Variants in OCIAD1 observed in about 807,000 individuals in gnomAD.
OCIAD1 encodes the protein OCIA domain-containing protein 1.
A neutral mutation model predicts 38.9 loss-of-function variants in OCIAD1; 29 were observed. The observed-to-expected ratio is 0.74, with a 90% CI of 0.55 to 1.02. The LOEUF is 1.02. OCIAD1 is among the 50% of genes least tolerant of loss of function. The pLI is 0.00. For missense variants in OCIAD1, 288 were observed against 289.6 expected, an observed-to-expected ratio of 0.99 and a Z score of 0.04; for synonymous variants, 110 against 92.0, an observed-to-expected ratio of 1.20 and a Z score of -1.12.
intron 7 of OCIAD1, among the ~76,000 whole-genome samples, chr4:48,852,753 T>TA (rs1398620118): frequency 6.6e-6 from 1 of 152,150 alleles, no homozygotes; most frequent in Non-Finnish European, 1.5e-5. Context: ...CAAAAAACAT[T>TA]AGTTTCTTTC....
chr4:48,831,426 C>T (rs1777477321), intron 1 of OCIAD1, 177 bp downstream of exon 1: 2 of 1,172,852 alleles, frequency 1.7e-6, no homozygotes, highest in Admixed American at 2.3e-5. Flanking sequence ...CGGAGTGCTT[C>T]TGGGGGTGTG....
intron 1 of OCIAD1, among the ~76,000 whole-genome samples, chr4:48,806,966 C>A (rs530607239): frequency 6.6e-6 from 1 of 152,028 alleles, no homozygotes; most frequent in Non-Finnish European, 1.5e-5. Flanking sequence ...TGCAGTGGTG[C>A]GATCACAGCT....
At chr4:48,835,599 T>C (rs1266150635) in intron 3 of OCIAD1, among the ~76,000 whole-genome samples, 1 of 152,094 alleles carries the variant, frequency 6.6e-6, no homozygotes. Flanking sequence ...CTTGGTTTTG[T>C]TTTGTTTTTT....
At chr4:48,840,833 CA>C (rs1233881090) in intron 3 of OCIAD1, among the ~76,000 whole-genome samples, 117 of 46,400 alleles carry the variant, frequency 2.5e-3, no homozygotes, top group Middle Eastern at 0.014. Context: ...CTCATCTCTA[CA>C]AAAAAAAAAA....
chr4:48,845,775 T>C (rs1161161225), intron 4 of OCIAD1, among the ~76,000 whole-genome samples: 1 of 152,242 alleles, frequency 6.6e-6, no homozygotes, highest in Non-Finnish European at 1.5e-5. Context: ...GACATTATCC[T>C]TCACATCTAT....
intron 1 of OCIAD1, chr4:48,831,525 G>A (rs1777496151): frequency 1.5e-6 from 2 of 1,290,790 alleles, no homozygotes; most frequent in Non-Finnish European, 2.0e-6. Flanking sequence ...GTGGAGGATG[G>A]AGTGCGGTAA....
At chr4:48,840,246 C>A (rs1778398589) in intron 3 of OCIAD1, among the ~76,000 whole-genome samples, 1 of 152,190 alleles carries the variant, frequency 6.6e-6, no homozygotes, top group African/African-American at 2.4e-5. Context: ...GTAGAAATGG[C>A]CAGCTAACTC....
In OCIAD1 at chr4:48,850,063, C is replaced by T. The variant is rs140516914; in HGVS notation, c.358C>T (p.Arg120Ter). ...LGEALRSGQA[R>*]RSSPPGHYYQ... ...AGAAGCTTTACGATCAGGACAAGCA[C>T]GACGATCTTCACCACCTGGGTAGGC... The change falls in exon 6 of 9, where the codon CGA becomes TGA. Residue 120 changes from arginine (R) to a stop codon, truncating the protein, a stop_gained. Coordinates refer to ENST00000264312, the MANE Select transcript of OCIAD1 (RefSeq NM_017830.4). LOFTEE classifies it high-confidence loss of function. 43 of 1,611,728 alleles carry T rather than the reference C, an allele frequency of 2.7e-5. No homozygotes were observed. The highest frequency in any genetic ancestry group is 3.1e-5 in the Non-Finnish European group (37 of 1,179,468).
chr4:48,857,177 C>T, intron 7 of OCIAD1, 36 bp from the exon 8 acceptor site: 1 of 1,377,426 alleles, frequency 7.3e-7, no homozygotes, highest in Non-Finnish European at 9.6e-7. Flanking sequence ...TATACAAATC[C>T]TTTTATTACC....
At chr4:48,858,223 A>G (rs1044257637) in intron 8 of OCIAD1, among the ~76,000 whole-genome samples, 14 of 152,134 alleles carry the variant, frequency 9.2e-5, no homozygotes, top group African/African-American at 3.4e-4. Flanking sequence ...CAGCAAGATT[A>G]GTTTAACACA....
At chr4:48,830,392 T>A (rs1291787997), upstream of OCIAD1, among the ~76,000 whole-genome samples, 1 of 152,218 alleles carries the variant, frequency 6.6e-6, no homozygotes, top group Non-Finnish European at 1.5e-5. Flanking sequence ...GTTTAGTCAC[T>A]AATAACTTGC....
rs540940661 is a variant in OCIAD1, at chr4:48,831,169, C to T, written c.-86C>T. 6.2e-6 allele frequency: 2 copies of T among 321,780 alleles called. No homozygotes were observed. The highest frequency in any genetic ancestry group is 1.2e-5 in the Non-Finnish European group (2 of 161,066). 19.9% of individuals were successfully genotyped at this position (321,780 alleles called of 1,614,324 possible). ...ACCTTGCACTTTTCTCCCTCCCTGC[C>T]CCCTCTCGAGTCCACCCTCCGGGCC... On this transcript the variant is annotated 5_prime_UTR_variant, in exon 1 of 9. Coordinates refer to ENST00000264312, the MANE Select transcript of OCIAD1 (RefSeq NM_017830.4).
intron 3 of OCIAD1, among the ~76,000 whole-genome samples, chr4:48,838,296 C>T (rs1002154536): frequency 8.9e-5 from 13 of 146,588 alleles, no homozygotes; most frequent in Admixed American, 4.2e-4. Flanking sequence ...CCAGCCTGGG[C>T]GACAGAGCGA....
chr4:48,822,760 A>G (rs1326330554), intron 1 of OCIAD1, among the ~76,000 whole-genome samples: 1 of 152,258 alleles, frequency 6.6e-6, no homozygotes, highest in East Asian at 1.9e-4. Flanking sequence ...AAAAGAAGAC[A>G]TTTATGTGGC....
intron 1 of OCIAD1, among the ~76,000 whole-genome samples, chr4:48,825,448 C>T (rs1245942393): frequency 1.3e-5 from 2 of 152,220 alleles, no homozygotes; most frequent in Non-Finnish European, 2.9e-5. Context: ...TGGGCAGCAG[C>T]GTGCCCTTTG....
At chr4:48,858,563 C>T (rs927124099) in intron 8 of OCIAD1, among the ~76,000 whole-genome samples, 1 of 152,198 alleles carries the variant, frequency 6.6e-6, no homozygotes, top group African/African-American at 2.4e-5. Flanking sequence ...AAGCAGTCCT[C>T]CTACCTCAGC....
chr4:48,854,250 A>C (rs1779801300), intron 7 of OCIAD1, among the ~76,000 whole-genome samples: 1 of 152,184 alleles, frequency 6.6e-6, no homozygotes, highest in Non-Finnish European at 1.5e-5. Flanking sequence ...CTAAGTTACT[A>C]ACAGGCATGT....
chr4:48,829,121 G>A (rs1027320916), upstream of OCIAD1, among the ~76,000 whole-genome samples: 1 of 151,960 alleles, frequency 6.6e-6, no homozygotes, highest in Non-Finnish European at 1.5e-5. Context: ...TTAGCTGGGC[G>A]TGGTGGTGCA....
chr4:48,810,331 C>T (rs764174718), intron 1 of OCIAD1, among the ~76,000 whole-genome samples: 4 of 151,436 alleles, frequency 2.6e-5, no homozygotes, highest in East Asian at 3.9e-4. Flanking sequence ...TAGCCGGGCG[C>T]GGTGGCGGGT....
Sources: gnomAD v4.1 joint callset for allele counts (sites outside exome capture counted in the v4.1 genomes callset) on GRCh38, gnomAD v4.1.1 for gene constraint, MANE v1.5 for transcripts, NCBI Gene and HGNC (gene_info 2026-07-23, HGNC 2026-07-21) for gene names.